ADAMTS2: variants seen among roughly 807,000 people sequenced by gnomAD.
ADAMTS2 encodes the protein ADAM metallopeptidase with thrombospondin type 1 motif 2.
In ADAMTS2, 50 loss-of-function variants were observed where a neutral mutation model predicts 123.0. The ratio of observed to expected loss-of-function variants is 0.41; its 90% confidence interval spans 0.32 to 0.51. ADAMTS2 has a LOEUF of 0.51. Ranked by LOEUF, ADAMTS2 falls within the 20% of genes least tolerant of loss-of-function variation. The pLI is 0.35. For synonymous variants in ADAMTS2, 678 were observed against 695.4 expected (o/e 0.98, Z 0.39); for missense variants, 1,494 against 1,705.2 (o/e 0.88, Z 2.18).
chr5:179,170,646 C>T lies in ADAMTS2; in HGVS notation c.975+10426G>A, dbSNP rs1763797765. Among the ~76,000 whole-genome samples the T allele has an allele frequency of 6.6e-6, 1 of 152,178 alleles. No homozygotes were observed. ...ACACAGGAGCTAGGCCTTTTGCCCCCAGATCTTGGCTGGGAAGTCCCCATC... is the reference window on the plus strand; with the variant it reads ...ACACAGGAGCTAGGCCTTTTGCCCCTAGATCTTGGCTGGGAAGTCCCCATC... On this transcript the variant is annotated intron_variant, in intron 5 of 21. Coordinates refer to ENST00000251582, the MANE Select transcript of ADAMTS2 (RefSeq NM_014244.5). This position sits in a 1 kb window ranked among gnomAD's most constrained non-coding sequence, Gnocchi z 4.3.
At chr5:179,220,847 C>T (rs1462484092) in intron 3 of ADAMTS2, among the ~76,000 whole-genome samples, 1 of 152,224 alleles carries the variant, frequency 6.6e-6, no homozygotes, top group Non-Finnish European at 1.5e-5. Flanking sequence ...GTGGGCCCTG[C>T]AGGGGTGAGG....
chr5:179,220,499 G>T lies in ADAMTS2; in HGVS notation c.689-12784C>A, dbSNP rs535105082. ...AGGTCCAGGGCCTGCTGCCTCCTCT[G>T]CCCGCACGTGCACCTCCGGCTGCAC... On this transcript the variant is annotated intron_variant, in intron 3 of 21. Transcript: ENST00000251582. Among the ~76,000 whole-genome samples the T allele has an allele frequency of 3.4e-3, 517 of 152,238 alleles. 4 individuals are homozygous for T. Among genetic ancestry groups the T allele is most frequent in the African/African-American group, 0.011 (469 of 41,536 alleles).
intron 5 of ADAMTS2, among the ~76,000 whole-genome samples, chr5:179,166,801 C>A (rs894604124): frequency 6.6e-6 from 1 of 152,168 alleles, no homozygotes; most frequent in South Asian, 2.1e-4. Flanking sequence ...TTGCTGGGCC[C>A]GAGTCTGTGC....
chr5:179,153,818 C>T (rs1033993938), intron 8 of ADAMTS2, among the ~76,000 whole-genome samples, 195 bp from the exon 9 acceptor site: 4 of 152,182 alleles, frequency 2.6e-5, no homozygotes, highest in African/African-American at 9.6e-5. Flanking sequence ...CTTGAGCGGA[C>T]CCCAGGGTAG....
chr5:179,118,035 G>T lies in ADAMTS2; in HGVS notation c.3178+3626C>A, dbSNP rs1338243257. On this transcript the variant is annotated intron_variant, in intron 21 of 21. Coordinates refer to ENST00000251582, the MANE Select transcript of ADAMTS2 (RefSeq NM_014244.5). This position sits in a 1 kb window ranked among gnomAD's most constrained non-coding sequence, Gnocchi z 4.5. ...TCCATAAATGCCCATTGAGTGAGGG[G>T]TGGCAGCCCCAGGTGGGGTCCCCCT... 6.6e-6 allele frequency among the ~76,000 whole-genome samples: 1 copy of T among 152,180 alleles called. No homozygotes were observed. The highest frequency in any genetic ancestry group is 1.5e-5 in the Non-Finnish European group (1 of 68,040).
chr5:179,209,522 G>GCACACACA (rs112513570), intron 3 of ADAMTS2, among the ~76,000 whole-genome samples: 1 of 151,126 alleles, frequency 6.6e-6, no homozygotes, highest in African/African-American at 2.4e-5. Flanking sequence ...ACACACACAT[G>GCACACACA]CACACACACA....
chr5:179,196,266 G>A (rs763474277), intron 4 of ADAMTS2, among the ~76,000 whole-genome samples: 38 of 152,076 alleles, frequency 2.5e-4, no homozygotes, highest in Non-Finnish European at 5.0e-4. Context: ...AAAAACGGTC[G>A]TAGAACATAC....
intron 3 of ADAMTS2, among the ~76,000 whole-genome samples, chr5:179,211,979 C>T (rs573622478): frequency 6.6e-6 from 1 of 152,362 alleles, no homozygotes; most frequent in South Asian, 2.1e-4. Context: ...GGACAAGCCA[C>T]ACCACCAGAG....
At chr5:179,125,888 T>C (rs985673852) in intron 18 of ADAMTS2, 110 bp downstream of exon 18, 4 of 1,483,612 alleles carry the variant, frequency 2.7e-6, no homozygotes, top group Non-Finnish European at 2.8e-6. Context: ...AGAGACTTGG[T>C]CAAATGCCTC....
intron 1 of ADAMTS2, 124 bp from the exon 2 acceptor site, chr5:179,344,285 C>A: frequency 7.6e-7 from 1 of 1,323,260 alleles, no homozygotes; most frequent in Non-Finnish European, 1.0e-6. Flanking sequence ...TTCCGCCAGG[C>A]GACCCCAGAA....
chr5:179,154,084 G>T lies in ADAMTS2; in HGVS notation c.1347C>A (p.Ser449=). 6.2e-7 allele frequency: 1 copy of T among 1,604,830 alleles called. No individual in the cohort carries two copies. The highest frequency in any genetic ancestry group is 8.5e-7 in the Non-Finnish European group (1 of 1,178,444). Residue 449 remains serine (S), a synonymous_variant, in exon 8 of 22, where the codon TCC becomes TCA. Transcript: ENST00000251582. ...VQAAFHRFHW[S]RCSQQELSRY... Reference sequence around the variant, plus strand: ...GGCTCAGCTCCTGCTGGCTGCAGCGGGACCAGTGGAAGCGGTGGAAGGCGG... The same window carrying T: ...GGCTCAGCTCCTGCTGGCTGCAGCGTGACCAGTGGAAGCGGTGGAAGGCGG...
chr5:179,128,010 A>G lies in ADAMTS2; in HGVS notation c.2566T>C (p.Tyr856His). 6.2e-7 allele frequency: 1 copy of G among 1,614,076 alleles called. No homozygotes were observed. The highest frequency in any genetic ancestry group is 8.5e-7 in the Non-Finnish European group (1 of 1,180,034). Residue 856 changes from tyrosine (Y) to histidine (H), a missense_variant, in exon 17 of 22, where the codon TAC becomes CAC. Tyr to His is a moderately conservative substitution (Grantham distance 83, BLOSUM62 2). Around this residue, in one of 6 missense-constraint regions of ADAMTS2, gnomAD observed 953 missense variants for 1,124.7 expected, o/e 0.85. Coordinates refer to ENST00000251582, the MANE Select transcript of ADAMTS2 (RefSeq NM_014244.5). The surrounding 1 kb of genome is among the most constrained non-coding windows in gnomAD (Gnocchi z 4.9). ...GACCACTTCTTCAGGGCCCACTCGT[A>G]GACCACAGAGTCCTCTTCCAGGACG... Reference protein sequence around the residue: ...NNVLEEDSVVYEWALKKWSPC... With the variant: ...NNVLEEDSVVHEWALKKWSPC...
intron 4 of ADAMTS2, among the ~76,000 whole-genome samples, chr5:179,199,462 A>C (rs1764509991): frequency 6.6e-6 from 1 of 152,182 alleles, no homozygotes; most frequent in African/African-American, 2.4e-5. Flanking sequence ...ACCTGCATAG[A>C]GATGGGATTG....
chr5:179,211,914 CG>C (rs910262345), intron 3 of ADAMTS2, among the ~76,000 whole-genome samples: 1 of 152,168 alleles, frequency 6.6e-6, no homozygotes, highest in Non-Finnish European at 1.5e-5. Context: ...ATCAGCATAT[CG>C]TCCTATTTCA....
chr5:179,122,940 AG>A, intron 19 of ADAMTS2, 167 bp from the exon 20 acceptor site: 1 of 958,134 alleles, frequency 1.0e-6, no homozygotes, highest in South Asian at 1.5e-5. Flanking sequence ...CCTCGGGGGC[AG>A]CCCCAATCTC....
chr5:179,125,486 C>T (rs1321122019), intron 18 of ADAMTS2, among the ~76,000 whole-genome samples: 1 of 152,166 alleles, frequency 6.6e-6, no homozygotes, highest in Non-Finnish European at 1.5e-5. Flanking sequence ...TTCCCAGCCT[C>T]CTTAGGGTCT....
At chr5:179,227,020 T>C (rs577821821) in intron 3 of ADAMTS2, among the ~76,000 whole-genome samples, 173 of 152,248 alleles carry the variant, frequency 1.1e-3, no homozygotes, top group African/African-American at 4.0e-3. Flanking sequence ...TAGTCTACAG[T>C]GTGCAGGAAA....
chr5:179,129,029 C>T lies in ADAMTS2; in HGVS notation c.2457+903G>A, dbSNP rs937283085. 5.3e-5 allele frequency among the ~76,000 whole-genome samples: 8 copies of T among 152,166 alleles called. No homozygotes were observed. Among genetic ancestry groups the T allele is most frequent in the African/African-American group, 1.9e-4 (8 of 41,440 alleles). On this transcript the variant is annotated intron_variant, in intron 16 of 21. Coordinates refer to ENST00000251582, the MANE Select transcript of ADAMTS2 (RefSeq NM_014244.5). The surrounding 1 kb of genome is among the most constrained non-coding windows in gnomAD (Gnocchi z 4.1). ...GTTGCTCCCACCTCCGCTGGGAACA[C>T]GTGTGGCAGGCGACTCACACTTCAC...
At chr5:179,149,680 G>A (rs926305187) in intron 10 of ADAMTS2, among the ~76,000 whole-genome samples, 10 of 152,214 alleles carry the variant, frequency 6.6e-5, no homozygotes, top group African/African-American at 2.4e-4. Context: ...AAATCACAGC[G>A]TGAGAGAACA....
Sources: gnomAD v4.1 joint callset for allele counts (sites outside exome capture counted in the v4.1 genomes callset) on GRCh38, gnomAD v4.1.1 for gene constraint, gnomAD v4.1.1 regional missense constraint, Gnocchi (gnomAD v3.1) non-coding constraint, MANE v1.5 for transcripts, NCBI Gene and HGNC (gene_info 2026-07-23, HGNC 2026-07-21) for gene names.